Variants in CACNA2D4 observed in about 807,000 individuals in gnomAD.
The protein encoded by CACNA2D4 is calcium voltage-gated channel auxiliary subunit alpha2delta 4, also known as voltage-dependent calcium channel subunit alpha-2/delta-4.
A neutral mutation model predicts 163.8 loss-of-function variants in CACNA2D4; 157 were observed. The ratio of observed to expected loss-of-function variants is 0.96; its 90% CI spans 0.84 to 1.09. The LOEUF (loss-of-function observed/expected upper bound fraction) is 1.09, where lower values mean the gene tolerates loss of function less well. Ranked by LOEUF, CACNA2D4 falls within the 50% of genes least tolerant of loss-of-function variation. CACNA2D4 has a pLI of 0.00. For synonymous variants in CACNA2D4, 598 were observed against 586.9 expected (o/e 1.02, Z -0.27); for missense variants, 1,410 against 1,479.9 (o/e 0.95, Z 0.78).
At chr12:1,888,834 T>C (rs1866212846) in intron 6 of CACNA2D4, among the ~76,000 whole-genome samples, 1 of 152,210 alleles carries the variant, frequency 6.6e-6, no homozygotes, top group Non-Finnish European at 1.5e-5. Flanking sequence ...GCAAATATTC[T>C]AGAACTGATT....
At chr12:1,850,968 C>A (rs1865265467) in intron 23 of CACNA2D4, among the ~76,000 whole-genome samples, 1 of 152,198 alleles carries the variant, frequency 6.6e-6, no homozygotes, top group South Asian at 2.1e-4. Context: ...TTGCAGCCTC[C>A]ACCTCCTGGG....
At chr12:1,811,408 A>G (rs932978381) in intron 27 of CACNA2D4, among the ~76,000 whole-genome samples, 3 of 152,210 alleles carry the variant, frequency 2.0e-5, no homozygotes, top group Non-Finnish European at 4.4e-5. Flanking sequence ...GCGGGGAGGC[A>G]TGCCAGTGGC....
rs373753395 is a variant in CACNA2D4 at position 1,918,060 on chromosome 12, GA to G, written c.227+186del. Reference sequence around the variant, plus strand: ...ACTCCAGAACTCACAGAGCTTTTGGGAGGAGAAAGAGGAGGCCGGAGAAGCA... The same window carrying G: ...ACTCCAGAACTCACAGAGCTTTTGGGGGAGAAAGAGGAGGCCGGAGAAGCA... On this transcript the variant is annotated intron_variant, in intron 1 of 37. Transcript: ENST00000382722. The G allele has an allele frequency of 1.9e-5, 11 of 578,176 alleles. No homozygotes were observed. In the African/African-American group the frequency reaches 1.9e-4, roughly 10 times the overall value. The allele number at this position is 578,176 out of a possible 1,614,324, so 35.8% of individuals were successfully genotyped here.
At chr12:1,884,660 A>G in intron 11 of CACNA2D4, 108 bp downstream of exon 11, 1 of 732,760 alleles carries the variant, frequency 1.4e-6, no homozygotes, top group Non-Finnish European at 2.3e-6. Flanking sequence ...TGGCTCTAAT[A>G]GGAAAGCAGA....
intron 34 of CACNA2D4, 198 bp from the exon 35 acceptor site, chr12:1,797,733 G>A: frequency 1.6e-6 from 1 of 613,396 alleles, no homozygotes; most frequent in South Asian, 1.8e-5. Context: ...GGAGAGGGTG[G>A]CTTGGCACGG....
intron 26 of CACNA2D4, among the ~76,000 whole-genome samples, chr12:1,823,665 G>A (rs567041878): frequency 1.5e-4 from 22 of 151,648 alleles, no homozygotes; most frequent in Admixed American, 2.6e-4. Context: ...CCCACCTTCC[G>A]TAAGATCTTG....
At chr12:1,842,066 A>C (rs912211498) in intron 25 of CACNA2D4, among the ~76,000 whole-genome samples, 1 of 152,182 alleles carries the variant, frequency 6.6e-6, no homozygotes, top group African/African-American at 2.4e-5. Flanking sequence ...TTTGTACCCC[A>C]GCCAGCAGAG....
In CACNA2D4 at chr12:1,908,089, G is replaced by A. The variant is rs1023734320; in HGVS notation, c.487-52C>T. ...AGGCGGCCCGAGCACCGGGACAGGC[G>A]GAGAGAGAGGAAGAGAAACGGCGCA... On this transcript the variant is annotated intron_variant, in intron 4 of 37. Coordinates refer to ENST00000382722, the MANE Select transcript of CACNA2D4 (RefSeq NM_172364.5). The A allele has an allele frequency of 2.2e-5, 34 of 1,550,376 alleles. 1 individual carries two copies. The South Asian group carries it at 3.6e-4, about 16-fold the overall frequency.
At chr12:1,907,822 T>TGTGCTAGGTGGGC in intron 5 of CACNA2D4, 53 bp downstream of exon 5, 1 of 1,589,370 alleles carries the variant, frequency 6.3e-7, no homozygotes, top group East Asian at 2.3e-5. Context: ...GTCTGGTGGG[T>TGTGCTAGGTGGGC]GTGCTAGGTG....
At position 1,820,394 on chromosome 12, in the gene CACNA2D4, CG is replaced by C. The variant is rs1157960652; in HGVS notation, c.2552-8672del. The C allele has an allele frequency of 1.3e-5, 2 of 152,146 alleles. No individual in the cohort carries two copies. The highest frequency in any genetic ancestry group is 4.8e-5 in the African/African-American group (2 of 41,364). 9.4% of individuals were successfully genotyped at this position (152,146 alleles called of 1,614,324 possible). A position where few individuals can be genotyped will look rare whatever the true frequency, so the allele number is the denominator to read the frequency against. ...GCGTGGCCAGGGTGAGCGCTGCCCT[CG>C]CGGCCGGCCGTGGTGCCTCTGGTGT... On this transcript the variant is annotated intron_variant, in intron 26 of 37. Transcript: ENST00000382722. The surrounding 1 kb of genome is among the most constrained non-coding windows in gnomAD (Gnocchi z 6.0).
chr12:1,829,665 C>T lies in CACNA2D4; in HGVS notation c.2551+11074G>A, dbSNP rs1393744457. Among the ~76,000 whole-genome samples, 1 of 150,786 alleles carries T rather than the reference C, an allele frequency of 6.6e-6. No individual in the cohort carries two copies. The highest frequency in any genetic ancestry group is 2.0e-4 in the East Asian group (1 of 5,042). The stretch of plus-strand genomic sequence containing the variant: ...GACCCCTACTGGACAAGACTCAAGG[C>T]TGTTCAGACCCAGCTCACAGCCCAT... On this transcript the variant is annotated intron_variant, in intron 26 of 37. Coordinates refer to ENST00000382722, the MANE Select transcript of CACNA2D4 (RefSeq NM_172364.5). This position sits in a 1 kb window ranked among gnomAD's most constrained non-coding sequence, Gnocchi z 4.2.
rs1867057761 is a variant in CACNA2D4, at chr12:1,918,540, G to A, written c.-67C>T. The A allele has an allele frequency of 1.6e-6, 2 of 1,275,344 alleles. No individual in the cohort carries two copies. The highest frequency in any genetic ancestry group is 4.7e-5 in the Admixed American group (2 of 42,492). The allele number at this position is 1,275,344 out of a possible 1,614,324, so 79.0% of individuals were successfully genotyped here. ...GCCTTTGTCTTCCGTGCCTTGGCGA[G>A]CCTGGGGTCTCCAGCCTCTCAGTCC... On this transcript the variant is annotated 5_prime_UTR_variant, in exon 1 of 38. Transcript: ENST00000382722.
rs576091746 is a variant in CACNA2D4 at position 1,837,845 on chromosome 12, C to G, written c.2551+2894G>C. ...CCCCTCTCAGGCCTGGCACAGGTCTCTGTCATGCTTATGTGTGTAATTCAA... is the reference window on the plus strand; with the variant it reads ...CCCCTCTCAGGCCTGGCACAGGTCTGTGTCATGCTTATGTGTGTAATTCAA... On this transcript the variant is annotated intron_variant, in intron 26 of 37. Transcript: ENST00000382722. Among the ~76,000 whole-genome samples, 8 of 152,328 alleles carry G rather than the reference C, an allele frequency of 5.3e-5. No individual in the cohort carries two copies. In the East Asian group the frequency reaches 1.5e-3, roughly 29 times the overall value.
intron 18 of CACNA2D4, among the ~76,000 whole-genome samples, chr12:1,871,139 G>GGT (rs56140005): frequency 6.6e-6 from 1 of 150,404 alleles, no homozygotes; most frequent in Non-Finnish European, 1.5e-5. Context: ...GTGTGTTGCT[G>GGT]GTGTGTGTGT....
In CACNA2D4 at chr12:1,907,586, T is replaced by G. The variant is rs1285127407; in HGVS notation, c.650-15A>C. On this transcript the variant is annotated splice_polypyrimidine_tract_variant and intron_variant, in intron 5 of 37. Coordinates refer to ENST00000382722, the MANE Select transcript of CACNA2D4 (RefSeq NM_172364.5). ...AATATCTGGGTCTGAAGGGTGAGAC[T>G]ATAGATTATGATCCTGTAGAACTTC... 4 of 1,608,902 alleles carry G rather than the reference T, an allele frequency of 2.5e-6. No individual in the cohort carries two copies. The African/African-American group carries it at 4.0e-5, about 16-fold the overall frequency.
intron 36 of CACNA2D4, 110 bp downstream of exon 36, chr12:1,795,558 A>C: frequency 1.4e-6 from 1 of 735,108 alleles, no homozygotes; most frequent in South Asian, 1.6e-5. Flanking sequence ...AGCCCTGTGG[A>C]GGACACGGGC....
chr12:1,839,267 C>G lies in CACNA2D4; in HGVS notation c.2551+1472G>C, dbSNP rs116396231. Reference sequence around the variant, plus strand: ...CGTTCACGGAGCCAGGATGGCTGAGCTCGAATGCCTGTTGGATCGCGCAAC... The same window carrying G: ...CGTTCACGGAGCCAGGATGGCTGAGGTCGAATGCCTGTTGGATCGCGCAAC... On this transcript the variant is annotated intron_variant, in intron 26 of 37. Transcript: ENST00000382722. Among the ~76,000 whole-genome samples the G allele has an allele frequency of 1.5e-3, 234 of 152,368 alleles. 1 individual carries two copies. Among genetic ancestry groups the G allele is most frequent in the African/African-American group, 5.3e-3 (219 of 41,582 alleles).
At chr12:1,860,659 G>A (rs1170507354) in intron 18 of CACNA2D4, among the ~76,000 whole-genome samples, 1 of 152,170 alleles carries the variant, frequency 6.6e-6, no homozygotes, top group Non-Finnish European at 1.5e-5. Flanking sequence ...AACTTCTGGA[G>A]CCCATGTATA....
chr12:1,912,996 G>A lies in CACNA2D4; in HGVS notation c.426+27C>T, dbSNP rs779041391. ...CTGCGTCATGGGGCTGGGGAGAAACGCCCTGCAGATCACAGGCCTGGAGTA... is the reference window on the plus strand; with the variant it reads ...CTGCGTCATGGGGCTGGGGAGAAACACCCTGCAGATCACAGGCCTGGAGTA... On this transcript the variant is annotated intron_variant, in intron 3 of 37. Coordinates refer to ENST00000382722, the MANE Select transcript of CACNA2D4 (RefSeq NM_172364.5). 28 of 1,459,234 alleles carry A rather than the reference G, an allele frequency of 1.9e-5. 1 individual carries two copies. In the Admixed American group the frequency reaches 2.5e-4, roughly 13 times the overall value. 90.4% of individuals were successfully genotyped at this position (1,459,234 alleles called of 1,614,324 possible).
Sources: allele counts gnomAD v4.1 joint callset (sites outside exome capture counted in the v4.1 genomes callset), GRCh38; gene constraint gnomAD v4.1.1; non-coding constraint Gnocchi (gnomAD v3.1); transcripts MANE v1.5; gene names NCBI Gene and HGNC (gene_info 2026-07-23, HGNC 2026-07-21).